AXL: variants seen among roughly 807,000 people sequenced by gnomAD.
The protein encoded by AXL is tyrosine-protein kinase receptor UFO.
A neutral mutation model predicts 104.5 loss-of-function variants in AXL; 52 were observed. The ratio of observed to expected loss-of-function variants is 0.50; its 90% CI spans 0.40 to 0.63. The LOEUF is 0.63. Ranked by LOEUF, AXL falls within the 20% of genes least tolerant of loss-of-function variation. The probability of loss-of-function intolerance (pLI) is 0.00; values close to 1 mark genes in which losing one functional copy is unlikely to be tolerated. For missense variants in AXL, 1,024 were observed against 1,188.5 expected, an observed-to-expected ratio of 0.86 and a Z score of 2.04; for synonymous variants, 455 against 473.7, an observed-to-expected ratio of 0.96 and a Z score of 0.51.
intron 3 of AXL, chr19:41,221,537 G>A (rs2033791207): frequency 2.0e-6 from 1 of 488,508 alleles, no homozygotes; most frequent in African/African-American, 2.0e-5. Context: ...GGCCATTCTG[G>A]TCTTCAGATA....
chr19:41,244,177 C>T (rs954819243), intron 12 of AXL, among the ~76,000 whole-genome samples: 4 of 151,808 alleles, frequency 2.6e-5, no homozygotes, highest in Non-Finnish European at 5.9e-5. Flanking sequence ...TGCACTCCAG[C>T]CTGGGTGACA....
chr19:41,222,122 GA>G, intron 4 of AXL, 66 bp downstream of exon 4: 1 of 1,404,352 alleles, frequency 7.1e-7, no homozygotes, highest in Non-Finnish European at 9.4e-7. Context: ...AGGAGCAAGG[GA>G]ACATTGCTAC....
chr19:41,251,885 G>A (rs893297524), intron 14 of AXL, among the ~76,000 whole-genome samples: 4 of 151,542 alleles, frequency 2.6e-5, no homozygotes, highest in African/African-American at 9.7e-5. Context: ...AGGCCGAGGC[G>A]GGCAGATCGT....
chr19:41,249,094 G>A (rs1012164163), intron 14 of AXL, among the ~76,000 whole-genome samples: 22 of 152,136 alleles, frequency 1.4e-4, no homozygotes, highest in African/African-American at 4.8e-4. Flanking sequence ...GGTAGAGGGA[G>A]CAAGTGGTGT....
At chr19:41,228,414 C>T (rs2033920074) in intron 4 of AXL, among the ~76,000 whole-genome samples, 1 of 152,024 alleles carries the variant, frequency 6.6e-6, no homozygotes, top group South Asian at 2.1e-4. Flanking sequence ...ATTAGCCGGG[C>T]ATGGTGGCGC....
At chr19:41,229,963 C>T (rs931951402) in intron 4 of AXL, among the ~76,000 whole-genome samples, 4 of 151,600 alleles carry the variant, frequency 2.6e-5, no homozygotes, top group Non-Finnish European at 5.9e-5. Flanking sequence ...GTTTGTGTGT[C>T]TCCTTGTGTG....
rs146174416 is a variant in AXL at position 41,236,206 on chromosome 19, G to A, written c.784-1738G>A. Among the ~76,000 whole-genome samples the A allele has an allele frequency of 3.4e-3, 517 of 151,916 alleles. 6 individuals carry two copies. The highest frequency in any genetic ancestry group is 0.012 in the African/African-American group (501 of 41,420). On this transcript the variant is annotated intron_variant, in intron 6 of 19. Transcript: ENST00000301178. ...AAGTTAGCCAGGCATGGTGGCACAT[G>A]ACTGTAGCCCCAGCTACTCGAGAGG... is the stretch of plus-strand genomic sequence containing the variant.
At position 41,220,664 on chromosome 19, in the gene AXL, G is replaced by A. The variant is rs755688015; in HGVS notation, c.114G>A (p.Val38=). Residue 38 remains valine (V), a synonymous_variant, in exon 2 of 20, where the codon GTG becomes GTA. Coordinates refer to ENST00000301178, the MANE Select transcript of AXL (RefSeq NM_021913.5). ...RGTQAEESPF[V]GNPGNITGAR... is the part of the protein sequence containing the mutation. ...CGCAGGCTGAAGAAAGTCCCTTCGT[G>A]GGCAACCCAGGGAATATCACAGGTG... The A allele has an allele frequency of 1.9e-6, 3 of 1,600,374 alleles. No homozygotes were observed. The South Asian group carries it at 3.4e-5, about 18-fold the overall frequency.
chr19:41,246,222 C>A (rs12972779), intron 12 of AXL, among the ~76,000 whole-genome samples: 24,699 of 151,890 alleles, frequency 0.16, 2,149 homozygotes, highest in East Asian at 0.27. Context: ...CCAAGGTGGG[C>A]AAATTGCTTG....
At position 41,219,313 on chromosome 19, in the gene AXL, G is replaced by T; in HGVS notation, c.-80G>T. On this transcript the variant is annotated 5_prime_UTR_variant, in exon 1 of 20. Coordinates refer to ENST00000301178, the MANE Select transcript of AXL (RefSeq NM_021913.5). ...TGCCAAATCCGGGGAGCCTGGAGCT[G>T]GGGGGAGGGCCGGGGACAGCCCGGC... 2 of 1,361,754 alleles carry T rather than the reference G, an allele frequency of 1.5e-6. No individual in the cohort carries two copies. Among genetic ancestry groups the T allele is most frequent in the Non-Finnish European group, 1.0e-6 (1 of 1,002,996 alleles). 84.4% of individuals were successfully genotyped at this position (1,361,754 alleles called of 1,614,324 possible). A position where few individuals can be genotyped will look rare whatever the true frequency, so the allele number is the denominator to read the frequency against.
chr19:41,221,405 T>G, intron 3 of AXL, 159 bp downstream of exon 3: 1 of 628,452 alleles, frequency 1.6e-6, no homozygotes, highest in Non-Finnish European at 2.7e-6. Context: ...TTTTGGGTGG[T>G]CAAGAAGCTG....
Position 41,261,531 on chromosome 19 carries a change from G to A in AXL, c.*1627G>A, listed in dbSNP as rs1231117718. On this transcript the variant is annotated 3_prime_UTR_variant, in exon 20 of 20. Coordinates refer to ENST00000301178, the MANE Select transcript of AXL (RefSeq NM_021913.5). ...TAACCCTATACTGTAGTATTCTTTG[G>A]GGTGCCCCTCTCCTTCTTAGCTATC... 1 of 152,418 alleles carries A rather than the reference G, an allele frequency of 6.6e-6. No homozygotes were observed. Among genetic ancestry groups the A allele is most frequent in the African/African-American group, 2.4e-5 (1 of 41,406 alleles). 9.4% of individuals were successfully genotyped at this position (152,418 alleles called of 1,614,324 possible).
At chr19:41,238,238 C>A in intron 7 of AXL, 84 bp downstream of exon 7, 1 of 1,513,064 alleles carries the variant, frequency 6.6e-7, no homozygotes, top group Non-Finnish European at 9.2e-7. Flanking sequence ...TCCCCTTTCA[C>A]TCCTTTACCC....
chr19:41,225,936 C>T (rs1190440520), intron 4 of AXL, among the ~76,000 whole-genome samples: 4 of 152,182 alleles, frequency 2.6e-5, no homozygotes, highest in Non-Finnish European at 5.9e-5. Context: ...TTCCATCCCT[C>T]TCATTCTCTG....
At chr19:41,243,331 A>G (rs1448079604) in intron 11 of AXL, among the ~76,000 whole-genome samples, 1 of 152,162 alleles carries the variant, frequency 6.6e-6, no homozygotes, top group Non-Finnish European at 1.5e-5. Flanking sequence ...GAGGCACGAT[A>G]ATCACTTGAA....
chr19:41,243,754 G>C (rs144646602), intron 12 of AXL, 47 bp downstream of exon 12: 1 of 1,542,100 alleles, frequency 6.5e-7, no homozygotes, highest in Non-Finnish European at 9.0e-7. Context: ...TCTAAAGGCT[G>C]TAGAGAATCT....
intron 14 of AXL, among the ~76,000 whole-genome samples, chr19:41,251,862 C>G (rs1051134633): frequency 6.6e-6 from 1 of 151,878 alleles, no homozygotes; most frequent in Non-Finnish European, 1.5e-5. Context: ...GCCTGTAATC[C>G]TAGCACTTTG....
At chr19:41,255,382 C>CTCCT (rs551181986) in intron 17 of AXL, among the ~76,000 whole-genome samples, 8 of 144,156 alleles carry the variant, frequency 5.5e-5, no homozygotes, top group Admixed American at 1.4e-4. Context: ...CTCTCTTTAT[C>CTCCT]TCCTTCCTTC....
Position 41,245,376 on chromosome 19 carries a change from C to T in AXL, c.1537+1669C>T, listed in dbSNP as rs2034254340. 2.0e-5 allele frequency among the ~76,000 whole-genome samples: 3 copies of T among 152,326 alleles called. No homozygotes were observed. In the South Asian group the frequency reaches 6.2e-4, roughly 32 times the overall value. ...GAACTATAGACTCTCCATTAGAAGG[C>T]TGGAAAGCCATGCAAGGTCTCAGCC... On this transcript the variant is annotated intron_variant, in intron 12 of 19. Transcript: ENST00000301178.
Sources: gnomAD v4.1 joint callset for allele counts (sites outside exome capture counted in the v4.1 genomes callset) on GRCh38, gnomAD v4.1.1 for gene constraint, MANE v1.5 for transcripts, NCBI Gene and HGNC (gene_info 2026-07-23, HGNC 2026-07-21) for gene names.